Variants in SCAPER observed in about 807,000 individuals in gnomAD.
SCAPER encodes the protein S-phase cyclin A associated protein in the ER.
Under a neutral mutation model 182.2 loss-of-function variants are expected in SCAPER, and 98 were observed. The observed-to-expected ratio is 0.54, with a 90% CI of 0.46 to 0.64. The LOEUF (loss-of-function observed/expected upper bound fraction) is 0.64. SCAPER is among the 30% of genes least tolerant of loss of function. The pLI is 0.00. For synonymous variants in SCAPER, 605 were observed against 564.6 expected (o/e 1.07, Z -1.01); for missense variants, 1,432 against 1,690.0 (o/e 0.85, Z 2.68).
chr15:76,872,654 C>T (rs921471833), intron 2 of SCAPER, among the ~76,000 whole-genome samples: 2 of 151,144 alleles, frequency 1.3e-5, no homozygotes, highest in African/African-American at 4.9e-5. Context: ...CTACCTTCTA[C>T]TATTATACTA....
chr15:76,859,041 T>C (rs1260578865), intron 3 of SCAPER, among the ~76,000 whole-genome samples: 3 of 152,246 alleles, frequency 2.0e-5, no homozygotes, highest in Non-Finnish European at 4.4e-5. Flanking sequence ...CTTTGAGTAA[T>C]CACCAAAAGT....
intron 21 of SCAPER, among the ~76,000 whole-genome samples, chr15:76,655,043 T>A (rs2055507890): frequency 6.6e-6 from 1 of 152,184 alleles, no homozygotes; most frequent in South Asian, 2.1e-4. Context: ...ACAGCAATGA[T>A]TCTTAACCAG....
intron 21 of SCAPER, among the ~76,000 whole-genome samples, chr15:76,636,130 T>C (rs1300076163): frequency 6.6e-6 from 1 of 152,158 alleles, no homozygotes; most frequent in Non-Finnish European, 1.5e-5. Context: ...TCAGGGAATG[T>C]AGTAATTTCT....
rs1414102291 is a variant in SCAPER, at chr15:76,492,866, G to GT, written c.2954+11992dup. The stretch of plus-strand genomic sequence containing the variant: ...TTTAGACTTGTAACACAATCTGAGA[G>GT]TGTTTTTTTTTTTTTTTTTGCAGAA... On this transcript the variant is annotated intron_variant, in intron 24 of 31. Coordinates refer to ENST00000563290, the MANE Select transcript of SCAPER (RefSeq NM_020843.4). Among the ~76,000 whole-genome samples the GT allele has an allele frequency of 2.1e-4, 29 of 141,046 alleles. 1 individual carries two copies. Among genetic ancestry groups the GT allele is most frequent in the African/African-American group, 7.4e-4 (27 of 36,314 alleles). The allele number at this position is 141,046 out of a possible 152,430, so 92.5% of individuals were successfully genotyped here.
chr15:76,440,938 T>TG (rs1567144441), intron 25 of SCAPER, among the ~76,000 whole-genome samples: 6 of 126,278 alleles, frequency 4.8e-5, no homozygotes, highest in East Asian at 4.2e-4. Context: ...TTTTTTTTTT[T>TG]GGGGACGGAG....
chr15:76,884,050 A>G (rs1377712546), intron 1 of SCAPER, among the ~76,000 whole-genome samples, 174 bp from the exon 2 acceptor site: 1 of 152,220 alleles, frequency 6.6e-6, no homozygotes, highest in East Asian at 1.9e-4. Context: ...TCCATGCTGA[A>G]CAAGACCTCA....
At chr15:76,759,679 A>G (rs2062660520) in intron 14 of SCAPER, among the ~76,000 whole-genome samples, 1 of 152,206 alleles carries the variant, frequency 6.6e-6, no homozygotes. Flanking sequence ...ATGAAAGGAT[A>G]TTGAACTTTG....
chr15:76,672,514 C>G (rs1455791990), intron 20 of SCAPER, among the ~76,000 whole-genome samples: 1 of 151,890 alleles, frequency 6.6e-6, no homozygotes, highest in Non-Finnish European at 1.5e-5. Context: ...ATCTTAAAAA[C>G]TCAATAATTA....
chr15:76,725,951 A>C (rs1325073225), intron 17 of SCAPER, among the ~76,000 whole-genome samples: 1 of 92,096 alleles, frequency 1.1e-5, no homozygotes, highest in Non-Finnish European at 2.9e-5. Context: ...TGAATATGAC[A>C]AAAAAAAAGT....
chr15:76,865,182 GCAAACCCCAA>G (rs1385879769), intron 2 of SCAPER, among the ~76,000 whole-genome samples: 2 of 152,024 alleles, frequency 1.3e-5, no homozygotes, highest in African/African-American at 4.8e-5. Context: ...CAGAAGCTCT[GCAAACCCCAA>G]AGAGGATAAA....
At chr15:76,807,546 A>G (rs2066264470) in intron 5 of SCAPER, among the ~76,000 whole-genome samples, 1 of 150,892 alleles carries the variant, frequency 6.6e-6, no homozygotes, top group Non-Finnish European at 1.5e-5. Flanking sequence ...TACTTTTTTT[A>G]TTATACTTTA....
chr15:76,415,338 T>A (rs2045573469), intron 26 of SCAPER, among the ~76,000 whole-genome samples: 1 of 152,178 alleles, frequency 6.6e-6, no homozygotes, highest in Non-Finnish European at 1.5e-5. Context: ...ATGCATTTAT[T>A]ATATCATCCA....
At chr15:76,857,968 T>TAC (rs2071549199) in intron 3 of SCAPER, 89 bp from the exon 4 acceptor site, 9 of 894,100 alleles carry the variant, frequency 1.0e-5, no homozygotes, top group Admixed American at 4.7e-5. Context: ...AATGTAAACC[T>TAC]AAACTACGCA....
chr15:76,376,234 G>A lies in SCAPER; in HGVS notation c.3783C>T (p.Val1261=). ...CCTCATGAAGGAGGCTTTCACAGGA[G>A]ACTTGGCTGCAGTGGCCCAGCAGGG... is the stretch of plus-strand genomic sequence containing the variant. ...ASSLLGHCSQ[V]SCESLLHEVI... is the part of the protein sequence containing the mutation. Residue 1261 remains valine (V), a synonymous_variant, in exon 29 of 32, where the codon GTC becomes GTT. Coordinates refer to ENST00000563290, the MANE Select transcript of SCAPER (RefSeq NM_020843.4). 1 of 1,614,032 alleles carries A rather than the reference G, an allele frequency of 6.2e-7. No homozygotes were observed. Among genetic ancestry groups the A allele is most frequent in the Non-Finnish European group, 8.5e-7 (1 of 1,179,892 alleles).
At chr15:76,813,051 AAAGAT>A (rs1367855771) in intron 5 of SCAPER, among the ~76,000 whole-genome samples, 1 of 151,788 alleles carries the variant, frequency 6.6e-6, no homozygotes, top group Non-Finnish European at 1.5e-5. Flanking sequence ...AATACATCAA[AAAGAT>A]AATATACCAT....
intron 23 of SCAPER, among the ~76,000 whole-genome samples, chr15:76,531,676 C>T (rs1228213336): frequency 6.6e-6 from 1 of 151,952 alleles, no homozygotes; most frequent in Non-Finnish European, 1.5e-5. Flanking sequence ...TGGTACTTGG[C>T]ACACAGTGTT....
At chr15:76,397,615 G>T (rs916536228) in intron 27 of SCAPER, among the ~76,000 whole-genome samples, 1 of 151,588 alleles carries the variant, frequency 6.6e-6, no homozygotes, top group African/African-American at 2.4e-5. Flanking sequence ...CCAGTAGCTG[G>T]GATTATAGGC....
At chr15:76,652,371 C>CATATAT (rs56164668) in intron 21 of SCAPER, among the ~76,000 whole-genome samples, 108 of 8,024 alleles carry the variant, frequency 0.013, 7 homozygotes, top group Middle Eastern at 0.025. Flanking sequence ...CACACACACA[C>CATATAT]ATATATATAT....
intron 4 of SCAPER, among the ~76,000 whole-genome samples, chr15:76,842,534 C>A (rs528746575): frequency 8.5e-5 from 13 of 152,100 alleles, no homozygotes; most frequent in African/African-American, 2.4e-4. Context: ...CTGAGGCCTC[C>A]GCAACCATGC....
Sources: allele counts gnomAD v4.1 joint callset (sites outside exome capture counted in the v4.1 genomes callset), GRCh38; gene constraint gnomAD v4.1.1; transcripts MANE v1.5; gene names NCBI Gene and HGNC (gene_info 2026-07-23, HGNC 2026-07-21).